The following ETV5 variants were observed in gnomAD, a reference collection of about 807,000 sequenced individuals.
The protein encoded by ETV5 is ETS translocation variant 5.
A neutral mutation model predicts 70.0 loss-of-function variants in ETV5; 10 were observed. The observed-to-expected ratio is 0.14, with a 90% CI of 0.09 to 0.24. ETV5 has a LOEUF of 0.24. Among genes scored for constraint, ETV5 ranks in the 10% least tolerant of loss-of-function variants. The pLI is 1.00. For synonymous variants in ETV5, 216 were observed against 242.2 expected (o/e 0.89, Z 1.01); for missense variants, 453 against 651.2 (o/e 0.70, Z 3.31).
Position 186,079,872 on chromosome 3 carries a change from G to C in ETV5, c.595C>G (p.Gln199Glu). The C allele has an allele frequency of 2.5e-6, 4 of 1,610,430 alleles. No individual in the cohort carries two copies. The highest frequency in any genetic ancestry group is 3.4e-6 in the Non-Finnish European group (4 of 1,178,482). The change falls in exon 7 of 13, where the codon CAG (glutamine) becomes GAG (glutamate). Residue 199 changes from glutamine (Q) to glutamate (E), a missense_variant. Gln to Glu is a conservative substitution (Grantham distance 29). This residue lies in a region of ETV5 where 307 missense variants were observed against 344.9 expected (regional missense o/e 0.89). Coordinates refer to ENST00000306376, the MANE Select transcript of ETV5 (RefSeq NM_004454.3). ...ATCATCTTTGGCATCTGCAGGGGCT[G>C]ATGTGGTGGTCGGGGGACCGCAAAT... is the stretch of plus-strand genomic sequence containing the variant. ...QTFAVPRPPH[Q>E]PLQMPKMMPE...
chr3:186,094,713 A>ACGGGGCTCTTC (rs1245890488), intron 5 of ETV5, among the ~76,000 whole-genome samples: 23 of 152,358 alleles, frequency 1.5e-4, no homozygotes, highest in African/African-American at 5.1e-4. Context: ...ATTAGCACAT[A>ACGGGGCTCTTC]CGGGGCTCTT....
intron 5 of ETV5, among the ~76,000 whole-genome samples, chr3:186,082,646 A>G (rs1385625682): frequency 6.6e-6 from 1 of 152,044 alleles, no homozygotes; most frequent in Non-Finnish European, 1.5e-5. Context: ...GTCTCGAACT[A>G]ATGACTTTGT....
intron 5 of ETV5, among the ~76,000 whole-genome samples, chr3:186,097,665 C>T (rs1246648002): frequency 6.6e-6 from 1 of 152,168 alleles, no homozygotes; most frequent in African/African-American, 2.4e-5. Context: ...CAGCTCTTCC[C>T]CAGAATCCCA....
chr3:186,048,694 A>C lies in ETV5; in HGVS notation c.1478T>G (p.Leu493Arg), dbSNP rs2150140008. The change falls in exon 13 of 13, where the codon CTC (leucine) becomes CGC (arginine). Residue 493 changes from leucine (L) to arginine (R), a missense_variant. Around this residue, in one of 4 missense-constraint regions of ETV5, gnomAD observed 74 missense variants for 95.2 expected, o/e 0.78. Coordinates refer to ENST00000306376, the MANE Select transcript of ETV5 (RefSeq NM_004454.3). The stretch of plus-strand genomic sequence containing the variant: ...GCTGCTGCAGCGGTCCATGTCCAGG[A>C]GGTAAGCGGGGCTGTCTTCAAAGTG... ...LTHFEDSPAYLLDMDRCSSLP... is the reference protein window; with the variant it reads ...LTHFEDSPAYRLDMDRCSSLP... 2 of 1,614,148 alleles carry C rather than the reference A, an allele frequency of 1.2e-6. No homozygotes were observed. The highest frequency in any genetic ancestry group is 4.5e-5 in the East Asian group (2 of 44,886).
intron 1 of ETV5, among the ~76,000 whole-genome samples, chr3:186,107,693 G>A (rs1714621345): frequency 6.6e-6 from 1 of 151,854 alleles, no homozygotes; most frequent in African/African-American, 2.4e-5. Context: ...GGCGCCCCCA[G>A]GAAAACTTTA....
intron 9 of ETV5, among the ~76,000 whole-genome samples, chr3:186,060,353 C>T (rs141482554): frequency 1.3e-5 from 2 of 152,250 alleles, no homozygotes; most frequent in Admixed American, 6.5e-5. Context: ...CACATGTGGT[C>T]CTCTACACCA....
rs1713427950 is a variant in ETV5 at position 186,065,827 on chromosome 3, T to A, written c.896A>T (p.Tyr299Phe). 1 of 1,614,036 alleles carries A rather than the reference T, an allele frequency of 6.2e-7. No homozygotes were observed. Among genetic ancestry groups the A allele is most frequent in the Admixed American group, 1.7e-5 (1 of 60,002 alleles). ...TTGATGCTGACCTGAATCGACGCAGTAATCCCGAGGCTCCTGCTTGATTCC... is the reference window on the plus strand; with the variant it reads ...TTGATGCTGACCTGAATCGACGCAGAAATCCCGAGGCTCCTGCTTGATTCC... The part of the protein sequence containing the change: ...PMGIKQEPRD[Y>F]CVDSEVPNCQ... The change falls in exon 8 of 13, where the codon TAC becomes TTC. Residue 299 changes from tyrosine (Y) to phenylalanine (F), a missense_variant. Physicochemically the swap from Tyr to Phe is conservative, Grantham distance 22. Transcript: ENST00000306376.
At chr3:186,097,548 A>G (rs1261461896) in intron 5 of ETV5, among the ~76,000 whole-genome samples, 1 of 152,146 alleles carries the variant, frequency 6.6e-6, no homozygotes, top group East Asian at 1.9e-4. Context: ...TCTCCAGGGG[A>G]AGCTAAACCA....
chr3:186,057,635 G>A lies in ETV5; in HGVS notation c.971-144C>T, dbSNP rs1713198365. The A allele has an allele frequency of 1.4e-6, 1 of 729,286 alleles. No individual in the cohort carries two copies. 45.2% of individuals were successfully genotyped at this position (729,286 alleles called of 1,614,324 possible). A position where few individuals can be genotyped will look rare whatever the true frequency, so the allele number is the denominator to read the frequency against. The stretch of plus-strand genomic sequence containing the variant: ...TATCTATGGCAGACTGAATTTTCAG[G>A]GACTTCAAGAGGGCTTAGGCATTCC... On this transcript the variant is annotated intron_variant, in intron 9 of 12. Transcript: ENST00000306376. This position sits in a 1 kb window ranked among gnomAD's most constrained non-coding sequence, Gnocchi z 4.9.
intron 5 of ETV5, among the ~76,000 whole-genome samples, chr3:186,099,620 C>A (rs1714402051): frequency 6.6e-6 from 1 of 152,198 alleles, no homozygotes; most frequent in African/African-American, 2.4e-5. Flanking sequence ...CACCCCACCC[C>A]ACCACCAAGA....
intron 7 of ETV5, among the ~76,000 whole-genome samples, chr3:186,068,907 C>G (rs1325240216): frequency 1.3e-5 from 2 of 152,160 alleles, no homozygotes; most frequent in African/African-American, 4.8e-5. Context: ...AAGTAGGAGC[C>G]AAGCTTCAAG....
At chr3:186,056,067 T>C (rs1423169348) in intron 11 of ETV5, among the ~76,000 whole-genome samples, 1 of 152,220 alleles carries the variant, frequency 6.6e-6, no homozygotes, top group Non-Finnish European at 1.5e-5. Context: ...TAGAATATGC[T>C]ATACTGAGAG....
Position 186,065,851 on chromosome 3 carries a change from C to G in ETV5, c.872G>C (p.Gly291Ala). The G allele has an allele frequency of 6.2e-7, 1 of 1,614,144 alleles. No homozygotes were observed. Among genetic ancestry groups the G allele is most frequent in the Non-Finnish European group, 8.5e-7 (1 of 1,180,034 alleles). The change falls in exon 8 of 13, where the codon GGA becomes GCA. Residue 291 changes from glycine to alanine, a missense_variant. This residue lies in a region of ETV5 where 307 missense variants were observed against 344.9 expected (regional missense o/e 0.89). Transcript: ENST00000306376. ...PPAHGFQSPM[G>A]IKQEPRDYCV... is the part of the protein sequence containing the mutation. ...GTAATCCCGAGGCTCCTGCTTGATT[C>G]CCATTGGTGACTGGAACCCGTGTGC...
At chr3:186,082,867 G>A (rs1046940760) in intron 5 of ETV5, among the ~76,000 whole-genome samples, 2 of 152,218 alleles carry the variant, frequency 1.3e-5, no homozygotes, top group Non-Finnish European at 2.9e-5. Context: ...AGGTTATAAA[G>A]CAATGTTGCT....
Position 186,079,916 on chromosome 3 carries a change from G to A in ETV5, c.551C>T (p.Pro184Leu). The A allele has an allele frequency of 6.3e-7, 1 of 1,599,832 alleles. No individual in the cohort carries two copies. Among genetic ancestry groups the A allele is most frequent in the Non-Finnish European group, 8.5e-7 (1 of 1,175,202 alleles). Reference sequence around the variant, plus strand: ...CGCAAATGTTTGCTGCTGTGGTCCAGGCTCTGGAAGCGAATGGGGGGCGGG... The same window carrying A: ...CGCAAATGTTTGCTGCTGTGGTCCAAGCTCTGGAAGCGAATGGGGGGCGGG... ...PAPAPHSLPE[P>L]GPQQQTFAVP... Residue 184 changes from proline to leucine, a missense_variant, in exon 7 of 13, where the codon CCT becomes CTT. By Grantham distance (98) the Pro-to-Leu change is moderately conservative. This residue lies in a region of ETV5 where 307 missense variants were observed against 344.9 expected (regional missense o/e 0.89). Transcript: ENST00000306376.
chr3:186,074,652 G>C (rs1240660228), intron 7 of ETV5, among the ~76,000 whole-genome samples: 3 of 152,068 alleles, frequency 2.0e-5, no homozygotes, highest in Admixed American at 2.0e-4. Flanking sequence ...GGTGGCTCAT[G>C]CCTGTAATCC....
intron 5 of ETV5, among the ~76,000 whole-genome samples, chr3:186,083,815 C>T (rs1214369337): frequency 1.3e-5 from 2 of 152,008 alleles, no homozygotes; most frequent in Non-Finnish European, 2.9e-5. Context: ...ATACTTTCCC[C>T]GCAGGACAAA....
At chr3:186,077,381 AT>A (rs1223566251) in intron 7 of ETV5, among the ~76,000 whole-genome samples, 1 of 152,152 alleles carries the variant, frequency 6.6e-6, no homozygotes, top group Non-Finnish European at 1.5e-5. Flanking sequence ...CATGACTGTA[AT>A]TTCTATTACT....
chr3:186,058,885 C>T (rs540668140), intron 9 of ETV5, among the ~76,000 whole-genome samples: 5 of 151,702 alleles, frequency 3.3e-5, no homozygotes, highest in South Asian at 2.1e-4. Context: ...TAGTGGTGGG[C>T]GCCTGTAATC....
Sources: gnomAD v4.1 joint callset for allele counts (sites outside exome capture counted in the v4.1 genomes callset) on GRCh38, gnomAD v4.1.1 for gene constraint, gnomAD v4.1.1 regional missense constraint, Gnocchi (gnomAD v3.1) non-coding constraint, MANE v1.5 for transcripts, NCBI Gene and HGNC (gene_info 2026-07-23, HGNC 2026-07-21) for gene names.